CDH13: variants seen among roughly 807,000 people sequenced by gnomAD.
CDH13 encodes the protein cadherin-13.
CDH13 carries 24 observed loss-of-function variants against 63.8 expected under a neutral mutation model. The observed-to-expected ratio is 0.38, with a 90% CI of 0.27 to 0.53. CDH13 has a LOEUF of 0.53. CDH13 is among the 20% of genes least tolerant of loss of function. The pLI is 0.85. For missense variants in CDH13, 1,049 were observed against 903.1 expected (o/e 1.16, Z -2.07); for synonymous variants, 503 against 355.3 (o/e 1.42, Z -4.67).
intron 4 of CDH13, among the ~76,000 whole-genome samples, chr16:83,170,653 C>T (rs561286964): frequency 2.1e-4 from 32 of 152,230 alleles, no homozygotes; most frequent in African/African-American, 7.2e-4. Context: ...AGATCCTGAA[C>T]AGATTTCCTT....
chr16:83,337,724 C>T (rs1215738425), intron 5 of CDH13, among the ~76,000 whole-genome samples: 6 of 134,138 alleles, frequency 4.5e-5, no homozygotes, highest in Non-Finnish European at 9.2e-5. Context: ...ATTTCGCAGC[C>T]TTTAGTTTGT....
At chr16:83,571,747 G>C (rs111954952) in intron 7 of CDH13, among the ~76,000 whole-genome samples, 1 of 152,046 alleles carries the variant, frequency 6.6e-6, no homozygotes, top group Non-Finnish European at 1.5e-5. Context: ...TCCCTCTCTT[G>C]TATTCCCAAA....
In CDH13 at chr16:83,647,047, A is replaced by G. The variant is rs369301186; in HGVS notation, c.1102-23743A>G. On this transcript the variant is annotated intron_variant, in intron 8 of 13. Coordinates refer to ENST00000567109, the MANE Select transcript of CDH13 (RefSeq NM_001257.5). ...TAACATCGGCCAGGCGCGGTGGCTC[A>G]CGCCTGTAATCCCAGCACTTTGGGA... 2.7e-4 allele frequency among the ~76,000 whole-genome samples: 41 copies of G among 152,082 alleles called. No homozygotes were observed. In the East Asian group the frequency reaches 7.4e-3, roughly 27 times the overall value.
chr16:83,354,688 G>A (rs556782115), intron 6 of CDH13, among the ~76,000 whole-genome samples: 6 of 152,168 alleles, frequency 3.9e-5, no homozygotes, highest in Non-Finnish European at 5.9e-5. Flanking sequence ...TGTTCCAGAC[G>A]CAGGGGCCAG....
intron 1 of CDH13, among the ~76,000 whole-genome samples, chr16:82,738,298 G>T (rs1349438860): frequency 6.6e-6 from 1 of 152,202 alleles, no homozygotes; most frequent in East Asian, 1.9e-4. Flanking sequence ...AACAGAAGTT[G>T]GCTTCTTACC....
chr16:83,169,201 G>A (rs141442640), intron 4 of CDH13, among the ~76,000 whole-genome samples: 1,534 of 150,202 alleles, frequency 0.01, 32 homozygotes, highest in African/African-American at 0.035. Flanking sequence ...TTTTTGAGAC[G>A]GCATCTCACT....
At chr16:82,798,441 T>C (rs1193656358) in intron 1 of CDH13, among the ~76,000 whole-genome samples, 1 of 152,206 alleles carries the variant, frequency 6.6e-6, no homozygotes. Flanking sequence ...ACAGGGTTTC[T>C]TGAAATGTGA....
intron 2 of CDH13, among the ~76,000 whole-genome samples, chr16:82,900,150 G>C (rs763238237): frequency 7.2e-5 from 11 of 152,304 alleles, no homozygotes; most frequent in Non-Finnish European, 1.3e-4. Flanking sequence ...CCTCTGCCAA[G>C]AGTGATTCTT....
At chr16:83,356,837 C>G (rs11646728) in intron 6 of CDH13, among the ~76,000 whole-genome samples, 7,351 of 152,204 alleles carry the variant, frequency 0.048, 261 homozygotes, top group Admixed American at 0.068. Context: ...TTACAGCTTT[C>G]TTGCTTTAAT....
chr16:83,254,061 C>T (rs1292723785), intron 5 of CDH13, among the ~76,000 whole-genome samples: 3 of 152,162 alleles, frequency 2.0e-5, no homozygotes, highest in African/African-American at 7.2e-5. Context: ...AAGGACAAGA[C>T]GCCGCAGTGT....
At chr16:83,406,680 G>C (rs199645548) in intron 6 of CDH13, among the ~76,000 whole-genome samples, 2 of 152,068 alleles carry the variant, frequency 1.3e-5, no homozygotes, top group Non-Finnish European at 1.5e-5. Context: ...TGGTCAAGCT[G>C]GTCTTGAACT....
intron 3 of CDH13, among the ~76,000 whole-genome samples, chr16:83,045,946 G>A (rs1376579220): frequency 6.6e-6 from 1 of 152,244 alleles, no homozygotes; most frequent in Non-Finnish European, 1.5e-5. Context: ...GTCTACCCAT[G>A]TTGGGCAGAT....
At chr16:82,945,483 G>T (rs550745299) in intron 2 of CDH13, among the ~76,000 whole-genome samples, 35 of 152,270 alleles carry the variant, frequency 2.3e-4, no homozygotes, top group African/African-American at 7.9e-4. Context: ...ACGACTTTCT[G>T]CACCATCGGT....
intron 4 of CDH13, among the ~76,000 whole-genome samples, chr16:83,181,709 G>A (rs2038353015): frequency 6.6e-6 from 1 of 152,142 alleles, no homozygotes. Context: ...TTAACCTGGG[G>A]TGTTCACCCT....
chr16:83,213,866 G>A (rs145411856), intron 4 of CDH13, among the ~76,000 whole-genome samples: 21 of 152,190 alleles, frequency 1.4e-4, no homozygotes, highest in Middle Eastern at 3.4e-3. Flanking sequence ...GCACCAATCA[G>A]TGCTCTGTAG....
chr16:82,681,963 C>G (rs1447267992), intron 1 of CDH13, among the ~76,000 whole-genome samples: 5 of 152,234 alleles, frequency 3.3e-5, no homozygotes, highest in Non-Finnish European at 7.3e-5. Context: ...GCTGCCACCT[C>G]TCCTTTCATT....
intron 5 of CDH13, among the ~76,000 whole-genome samples, chr16:83,240,562 C>G (rs1904326950): frequency 6.6e-6 from 1 of 151,144 alleles, no homozygotes; most frequent in Non-Finnish European, 1.5e-5. Flanking sequence ...TGCAGTATGT[C>G]TTGAAAGAGG....
chr16:82,887,006 T>G (rs2040911318), intron 2 of CDH13, among the ~76,000 whole-genome samples: 1 of 152,218 alleles, frequency 6.6e-6, no homozygotes, highest in Non-Finnish European at 1.5e-5. Flanking sequence ...ATTTTTAAAC[T>G]TGTGCTTATT....
intron 8 of CDH13, among the ~76,000 whole-genome samples, chr16:83,619,370 G>T (rs778957040): frequency 1.3e-5 from 2 of 152,330 alleles, no homozygotes; most frequent in Non-Finnish European, 2.9e-5. Flanking sequence ...AGGGCACTTG[G>T]CATGGAGCTC....
Sources: gnomAD v4.1 joint callset for allele counts (sites outside exome capture counted in the v4.1 genomes callset) on GRCh38, gnomAD v4.1.1 for gene constraint, MANE v1.5 for transcripts, NCBI Gene and HGNC (gene_info 2026-07-23, HGNC 2026-07-21) for gene names.